The following PCNX2 variants were observed in gnomAD, a reference collection of about 807,000 sequenced individuals.
PCNX2 encodes the protein pecanex-like protein 2.
Under a neutral mutation model 223.8 loss-of-function variants are expected in PCNX2, and 168 were observed. The observed-to-expected ratio is 0.75, with a 90% CI of 0.66 to 0.85. PCNX2 has a LOEUF of 0.85. PCNX2 is among the 40% of genes least tolerant of loss of function. The pLI is 0.00. For synonymous variants in PCNX2, 1,006 were observed against 1,052.6 expected (o/e 0.96, Z 0.86); for missense variants, 2,507 against 2,675.5 (o/e 0.94, Z 1.39).
At chr1:233,144,953 G>GTTTTTTTTTTTTTTTTTTTTTT (rs71173252) in intron 19 of PCNX2, among the ~76,000 whole-genome samples, 1 of 137,126 alleles carries the variant, frequency 7.3e-6, no homozygotes. Context: ...TTGTTGTTTT[G>GTTTTTTTTTTTTTTTTTTTTTT]TTTTTTTTTT....
chr1:233,112,709 T>TGGTAGC, intron 21 of PCNX2: 12 of 567,762 alleles, frequency 2.1e-5, no homozygotes, highest in Middle Eastern at 8.7e-4. Flanking sequence ...GTGTAGATCT[T>TGGTAGC]TGAACAATAT....
chr1:232,984,135 T>TC lies in PCNX2; in HGVS notation c.*168dup, dbSNP rs374914475. On this transcript the variant is annotated 3_prime_UTR_variant, in exon 34 of 34. Transcript: ENST00000258229. ...TTTTTTTTTTTTTTTTTTTTTTTTT[T>TC]CAAAAACCTGAGATCAGTTCTGTGT... The TC allele has an allele frequency of 9.8e-4, 118 of 120,342 alleles. No homozygotes were observed. Among genetic ancestry groups the TC allele is most frequent in the Admixed American group, 1.6e-3 (18 of 11,520 alleles). 7.5% of individuals were successfully genotyped at this position (120,342 alleles called of 1,614,324 possible).
chr1:233,255,550 C>T (rs1258157407), intron 5 of PCNX2, among the ~76,000 whole-genome samples: 1 of 152,068 alleles, frequency 6.6e-6, no homozygotes, highest in African/African-American at 2.4e-5. Context: ...TTGTGTCAAA[C>T]AAAAAAGCAA....
chr1:233,179,230 A>C, intron 15 of PCNX2, 55 bp from the exon 16 acceptor site: 1 of 1,553,000 alleles, frequency 6.4e-7, no homozygotes, highest in Non-Finnish European at 8.9e-7. Flanking sequence ...GAATAGCAGG[A>C]TCTCTATCAG....
the PCNX2 span, among the ~76,000 whole-genome samples, chr1:233,320,784 A>G: frequency 3.3e-5 from 5 of 152,184 alleles, no homozygotes; most frequent in Non-Finnish European, 7.3e-5. Context: ...AAATGTTGCC[A>G]CATCTCATTA....
chr1:233,202,394 A>G (rs1240812706), intron 13 of PCNX2: 1 of 254,078 alleles, frequency 3.9e-6, no homozygotes, highest in Non-Finnish European at 8.4e-6. Flanking sequence ...AGCAAAATTC[A>G]TAAATAAAAA....
chr1:233,281,327 T>C (rs1435613344), intron 1 of PCNX2, among the ~76,000 whole-genome samples: 1 of 152,210 alleles, frequency 6.6e-6, no homozygotes, highest in Non-Finnish European at 1.5e-5. Context: ...TATATCCCAA[T>C]GGGCTATTAG....
intron 23 of PCNX2, among the ~76,000 whole-genome samples, chr1:233,072,315 T>C (rs1196952252): frequency 6.6e-6 from 1 of 152,240 alleles, no homozygotes; most frequent in Non-Finnish European, 1.5e-5. Context: ...GAGTTAATAT[T>C]TGCATATGGT....
At chr1:233,274,049 C>A (rs1356201403) in intron 1 of PCNX2, among the ~76,000 whole-genome samples, 1 of 152,202 alleles carries the variant, frequency 6.6e-6, no homozygotes, top group Non-Finnish European at 1.5e-5. Context: ...TTGAGATAAA[C>A]CCAGAAATGG....
At chr1:233,264,300 T>A (rs1285895959) in intron 1 of PCNX2, among the ~76,000 whole-genome samples, 1 of 152,218 alleles carries the variant, frequency 6.6e-6, no homozygotes, top group East Asian at 1.9e-4. Flanking sequence ...ACAGCCTCAA[T>A]GATTCGCAAG....
In PCNX2 at chr1:233,014,667, G is replaced by T. The variant is rs1322229173; in HGVS notation, c.4950C>A (p.Ile1650=). The T allele has an allele frequency of 6.2e-7, 1 of 1,613,366 alleles. No homozygotes were observed. The highest frequency in any genetic ancestry group is 8.5e-7 in the Non-Finnish European group (1 of 1,179,470). ...ALGTAAHNMA[I]SLDSFLYGLH... The stretch of plus-strand genomic sequence containing the variant: ...TTCTAACTTCTCCCCCCAGGTACCT[G>T]ATGGCCATATTGTGAGCGGCTGTTC... The change falls in exon 28 of 34, where the codon ATC becomes ATA. Residue 1650 remains isoleucine, a splice_region_variant and synonymous_variant. Coordinates refer to ENST00000258229, the MANE Select transcript of PCNX2 (RefSeq NM_014801.4).
chr1:233,134,470 G>A (rs1447163419), intron 21 of PCNX2, among the ~76,000 whole-genome samples: 5 of 152,160 alleles, frequency 3.3e-5, no homozygotes, highest in Middle Eastern at 3.4e-3. Flanking sequence ...CAAACTAAGC[G>A]TATTGGAAAT....
intron 17 of PCNX2, among the ~76,000 whole-genome samples, chr1:233,170,545 C>G (rs907271397): frequency 1.3e-5 from 2 of 152,088 alleles, no homozygotes; most frequent in African/African-American, 2.4e-5. Context: ...ACACTAGTCT[C>G]TTTTCTGTAA....
In PCNX2 at chr1:232,986,297, C is replaced by G; in HGVS notation, c.6035G>C (p.Arg2012Pro). The G allele has an allele frequency of 6.4e-7, 1 of 1,571,130 alleles. No individual in the cohort carries two copies. Among genetic ancestry groups the G allele is most frequent in the Non-Finnish European group, 8.6e-7 (1 of 1,159,118 alleles). Residue 2012 changes from arginine to proline, a missense_variant, in exon 33 of 34, where the codon CGG (arginine) becomes CCG (proline). Physicochemically the swap from Arg to Pro is moderately radical, Grantham distance 103 (BLOSUM62 -2). Around this residue, in one of 3 missense-constraint regions of PCNX2, gnomAD observed 1,372 missense variants for 1,509.4 expected, o/e 0.91. Coordinates refer to ENST00000258229, the MANE Select transcript of PCNX2 (RefSeq NM_014801.4). Reference protein sequence around the residue: ...TTTGHLSVRERAEALIRSSLG... With the variant: ...TTTGHLSVREPAEALIRSSLG... The stretch of plus-strand genomic sequence containing the variant: ...GCTGGACCTGATGAGCGCCTCGGCC[C>G]GCTCACGGACACTCAGGTGGCCGGT...
chr1:233,265,614 G>T (rs1158599800), intron 1 of PCNX2, among the ~76,000 whole-genome samples: 1 of 152,164 alleles, frequency 6.6e-6, no homozygotes, highest in African/African-American at 2.4e-5. Flanking sequence ...ATAAACACAA[G>T]ATGAGCCCAT....
chr1:233,215,113 C>T (rs929364398), intron 12 of PCNX2, among the ~76,000 whole-genome samples: 1 of 152,144 alleles, frequency 6.6e-6, no homozygotes, highest in African/African-American at 2.4e-5. Flanking sequence ...AAATCAGCAG[C>T]AAGCTTGAGA....
intron 8 of PCNX2, among the ~76,000 whole-genome samples, chr1:233,242,094 G>A (rs1300705840): frequency 6.6e-6 from 1 of 152,134 alleles, no homozygotes; most frequent in Admixed American, 6.5e-5. Flanking sequence ...GAACTCTGAG[G>A]AGGTAGTAAA....
intron 26 of PCNX2, among the ~76,000 whole-genome samples, chr1:233,024,001 C>T (rs1670997348): frequency 6.6e-6 from 1 of 152,198 alleles, no homozygotes; most frequent in African/African-American, 2.4e-5. Flanking sequence ...CAGCCTCAAA[C>T]TCCTGGGCTC....
chr1:233,294,393 C>A (rs1390798514), intron 1 of PCNX2, among the ~76,000 whole-genome samples: 1 of 152,158 alleles, frequency 6.6e-6, no homozygotes, highest in Non-Finnish European at 1.5e-5. Context: ...TGACTTCACA[C>A]CCAGAGTTCT....
Sources: gnomAD v4.1 joint callset for allele counts (sites outside exome capture counted in the v4.1 genomes callset) on GRCh38, gnomAD v4.1.1 for gene constraint, gnomAD v4.1.1 regional missense constraint, MANE v1.5 for transcripts, NCBI Gene and HGNC (gene_info 2026-07-23, HGNC 2026-07-21) for gene names.